VASH2: variants seen among roughly 807,000 people sequenced by gnomAD.
VASH2 encodes tubulinyl-Tyr carboxypeptidase 2.
Under a neutral mutation model 37.2 loss-of-function variants are expected in VASH2, and 28 were observed. The observed-to-expected ratio is 0.75, with a 90% CI of 0.56 to 1.03. The LOEUF (loss-of-function observed/expected upper bound fraction) is 1.03, where lower values mean the gene tolerates loss of function less well. Ranked by LOEUF, VASH2 falls within the 50% of genes least tolerant of loss-of-function variation. The probability of loss-of-function intolerance (pLI) is 0.00; values close to 1 mark genes in which losing one functional copy is unlikely to be tolerated. For missense variants in VASH2, 419 were observed against 459.1 expected (o/e 0.91, Z 0.80); for synonymous variants, 188 against 174.7 (o/e 1.08, Z -0.60).
chr1:212,953,705 A>G (rs565544510), intron 2 of VASH2, among the ~76,000 whole-genome samples: 1 of 152,298 alleles, frequency 6.6e-6, no homozygotes, highest in East Asian at 1.9e-4. Flanking sequence ...AAATGGGAAT[A>G]GACCAGACTT....
At chr1:212,981,614 A>G (rs1667340913) in intron 7 of VASH2, among the ~76,000 whole-genome samples, 1 of 152,194 alleles carries the variant, frequency 6.6e-6, no homozygotes. Flanking sequence ...TAACGTTTAC[A>G]GTGGCACTTT....
At chr1:212,969,852 G>A (rs112693248) in intron 5 of VASH2, among the ~76,000 whole-genome samples, 5,571 of 152,252 alleles carry the variant, frequency 0.037, 308 homozygotes, top group African/African-American at 0.13. Context: ...CTGCTTGGAC[G>A]CCTGTGTCCA....
At chr1:212,967,161 C>T in intron 5 of VASH2, 1 of 1,304,460 alleles carries the variant, frequency 7.7e-7, no homozygotes, top group Non-Finnish European at 1.0e-6. Flanking sequence ...CTTTCTGTTC[C>T]ATTTTTCACC....
At chr1:212,987,269 T>G (rs1667506993) in intron 7 of VASH2, among the ~76,000 whole-genome samples, 2 of 151,988 alleles carry the variant, frequency 1.3e-5, no homozygotes, top group African/African-American at 4.8e-5. Context: ...TTTTTTTTTT[T>G]TTTTAATACT....
At position 212,988,518 on chromosome 1, in the gene VASH2, A is replaced by G. The variant is rs2102667779; in HGVS notation, c.1002A>G (p.Ala334=). Reference sequence around the variant, plus strand: ...TTCTGTCTTTTACCCTTAGGCCTGCACTGCCTGAAAAGAAGGTGGCTGATC... The same window carrying G: ...TTCTGTCTTTTACCCTTAGGCCTGCGCTGCCTGAAAAGAAGGTGGCTGATC... The part of the protein sequence containing the change: ...RRLGRREKSP[A]LPEKKVADLS... Residue 334 remains alanine, a synonymous_variant, in exon 8 of 8, where the codon GCA becomes GCG. Transcript: ENST00000517399. 6.2e-7 allele frequency: 1 copy of G among 1,614,106 alleles called. No homozygotes were observed. Among genetic ancestry groups the G allele is most frequent in the Non-Finnish European group, 8.5e-7 (1 of 1,179,992 alleles).
chr1:212,959,218 T>C (rs1177583712), intron 2 of VASH2, among the ~76,000 whole-genome samples: 1 of 152,232 alleles, frequency 6.6e-6, no homozygotes, highest in African/African-American at 2.4e-5. Context: ...CACTTTCTAG[T>C]GTATGCTAGG....
In VASH2 at chr1:212,974,030, C is replaced by G. The variant is rs908332955; in HGVS notation, c.955C>G (p.Gln319Glu). The change falls in exon 7 of 8, where the codon CAG (glutamine) becomes GAG (glutamate). Residue 319 changes from glutamine to glutamate, a missense_variant. Physicochemically the swap from Gln to Glu is conservative, Grantham distance 29. Transcript: ENST00000517399. ...RGKSLSPRRR[Q>E]ASPPRRLGRR... is the part of the protein sequence containing the mutation. Reference sequence around the variant, plus strand: ...AAAATCCCTGTCCCCCAGAAGGAGACAGGCAAGCCCCCCGAGGAGGCTCGG... The same window carrying G: ...AAAATCCCTGTCCCCCAGAAGGAGAGAGGCAAGCCCCCCGAGGAGGCTCGG... 6.2e-7 allele frequency: 1 copy of G among 1,613,752 alleles called. No individual in the cohort carries two copies. The highest frequency in any genetic ancestry group is 8.5e-7 in the Non-Finnish European group (1 of 1,179,886).
At chr1:212,957,053 C>G (rs1666518891) in intron 2 of VASH2, among the ~76,000 whole-genome samples, 1 of 152,144 alleles carries the variant, frequency 6.6e-6, no homozygotes, top group South Asian at 2.1e-4. Flanking sequence ...CCCCTGGCAA[C>G]GACCATTCTA....
In VASH2 at chr1:212,989,400, C is replaced by T. The variant is rs2075834758; in HGVS notation, c.*816C>T. ...CTCTAACAAAAAGCACAAGAGGTCACGTACTATTATACAAATTTAGCGGTA... is the reference window on the plus strand; with the variant it reads ...CTCTAACAAAAAGCACAAGAGGTCATGTACTATTATACAAATTTAGCGGTA... On this transcript the variant is annotated 3_prime_UTR_variant, in exon 8 of 8. Coordinates refer to ENST00000517399, the MANE Select transcript of VASH2 (RefSeq NM_001301056.2). The T allele has an allele frequency of 6.6e-6, 1 of 152,152 alleles. No individual in the cohort carries two copies. The highest frequency in any genetic ancestry group is 1.5e-5 in the Non-Finnish European group (1 of 68,054). 9.4% of individuals were successfully genotyped at this position (152,152 alleles called of 1,614,324 possible).
At chr1:212,961,373 A>C in intron 3 of VASH2, 119 bp downstream of exon 3, 1 of 1,556,736 alleles carries the variant, frequency 6.4e-7, no homozygotes, top group Non-Finnish European at 8.7e-7. Context: ...TGGTGAGGCC[A>C]GGCATGGAGG....
chr1:212,985,197 GCTTT>G (rs1408605083), intron 7 of VASH2, among the ~76,000 whole-genome samples: 1 of 109,358 alleles, frequency 9.1e-6, no homozygotes, highest in African/African-American at 3.7e-5. Flanking sequence ...AATTTTTTTT[GCTTT>G]TTTTTTTTTT....
Position 212,985,023 on chromosome 1 carries a change from CT to C in VASH2, c.996-3480del, listed in dbSNP as rs551228454. On this transcript the variant is annotated intron_variant, in intron 7 of 7. Transcript: ENST00000517399. ...TAAGCTGTAGCTTAAACATAATTCA[CT>C]TTTTTTTTCTTTTTTGAGATAGGGT... 5.8e-3 allele frequency among the ~76,000 whole-genome samples: 872 copies of C among 151,178 alleles called. 3 individuals are homozygous for C. The highest frequency in any genetic ancestry group is 8.9e-3 in the Non-Finnish European group (605 of 67,720).
At chr1:212,986,478 A>T (rs948103659) in intron 7 of VASH2, among the ~76,000 whole-genome samples, 1 of 152,210 alleles carries the variant, frequency 6.6e-6, no homozygotes, top group Non-Finnish European at 1.5e-5. Context: ...GACTCTTTAA[A>T]CCTGACTTGT....
chr1:212,951,563 C>T lies in VASH2; in HGVS notation c.21C>T (p.Asp7=), dbSNP rs1472563661. 1 of 1,531,944 alleles carries T rather than the reference C, an allele frequency of 6.5e-7. No homozygotes were observed. The highest frequency in any genetic ancestry group is 8.8e-7 in the Non-Finnish European group (1 of 1,139,158). The allele number at this position is 1,531,944 out of a possible 1,614,324, so 94.9% of individuals were successfully genotyped here. A position where few individuals can be genotyped will look rare whatever the true frequency, so the allele number is the denominator to read the frequency against. The part of the protein sequence containing the change: MTGSAA[D]THRCPHPKGA... ...CCACCATGACCGGCTCCGCGGCCGA[C>T]ACTCACCGCTGCCCCCACCCCAAAG... Residue 7 remains aspartate, a synonymous_variant, in exon 2 of 8, where the codon GAC becomes GAT. Transcript: ENST00000517399. The surrounding 1 kb of genome is among the most constrained non-coding windows in gnomAD (Gnocchi z 4.4).
At chr1:212,986,446 A>G (rs1428253747) in intron 7 of VASH2, among the ~76,000 whole-genome samples, 1 of 152,240 alleles carries the variant, frequency 6.6e-6, no homozygotes, top group East Asian at 1.9e-4. Context: ...TTCAGGCTTT[A>G]TGAGAGAACC....
At chr1:212,972,494 GA>G in intron 5 of VASH2, 85 bp from the exon 6 acceptor site, 4 of 1,539,624 alleles carry the variant, frequency 2.6e-6, no homozygotes, top group Non-Finnish European at 3.5e-6. Context: ...TGGACTCACT[GA>G]ACCCTGAGAC....
In VASH2 at chr1:212,951,673, ACGG is replaced by A. The variant is rs767527557; in HGVS notation, c.135_137del (p.Gly46del). On this transcript the variant is annotated inframe_deletion, in exon 2 of 8. Coordinates refer to ENST00000517399, the MANE Select transcript of VASH2 (RefSeq NM_001301056.2). The surrounding 1 kb of genome is among the most constrained non-coding windows in gnomAD (Gnocchi z 4.4). ...GGGGGCTCAGAGGAGGAGGACAAAGACGGCGGGGTGCTGTTCCACGTCAACAAG... is the reference window on the plus strand; with the variant it reads ...GGGGGCTCAGAGGAGGAGGACAAAGACGGGGTGCTGTTCCACGTCAACAAG... The A allele has an allele frequency of 6.3e-7, 1 of 1,596,502 alleles. No individual in the cohort carries two copies. The highest frequency in any genetic ancestry group is 8.5e-7 in the Non-Finnish European group (1 of 1,172,682).
At chr1:212,967,067 G>T (rs1239323439) in intron 5 of VASH2, 1 of 1,296,340 alleles carries the variant, frequency 7.7e-7, no homozygotes, top group Non-Finnish European at 1.0e-6. Context: ...TTCTAAGAGT[G>T]GCGTGTGGAG....
At chr1:212,959,625 G>A (rs538498544) in intron 2 of VASH2, among the ~76,000 whole-genome samples, 10 of 152,232 alleles carry the variant, frequency 6.6e-5, no homozygotes, top group East Asian at 1.9e-4. Context: ...TGTAGGCAGC[G>A]GGGTGGAAGC....
Sources: gnomAD v4.1 joint callset for allele counts (sites outside exome capture counted in the v4.1 genomes callset) on GRCh38, gnomAD v4.1.1 for gene constraint, Gnocchi (gnomAD v3.1) non-coding constraint, MANE v1.5 for transcripts, NCBI Gene and HGNC (gene_info 2026-07-23, HGNC 2026-07-21) for gene names.